Variants in XPR1 observed in about 807,000 individuals in gnomAD.
XPR1 encodes the protein xenotropic and polytropic retrovirus receptor 1, also known as solute carrier family 53 member 1.
XPR1 carries 28 observed loss-of-function variants against 87.5 expected under a neutral mutation model. The ratio of observed to expected loss-of-function variants is 0.32; its 90% CI spans 0.24 to 0.44. The LOEUF (loss-of-function observed/expected upper bound fraction) is 0.44. Among genes scored for constraint, XPR1 ranks in the 20% least tolerant of loss-of-function variants. The probability of loss-of-function intolerance (pLI) is 1.00; values close to 1 mark genes in which losing one functional copy is unlikely to be tolerated. For missense variants in XPR1, 559 were observed against 862.3 expected, an observed-to-expected ratio of 0.65 and a Z score of 4.41; for synonymous variants, 300 against 306.1, an observed-to-expected ratio of 0.98 and a Z score of 0.21.
At chr1:180,817,521 G>T (rs1650454297) in intron 7 of XPR1, among the ~76,000 whole-genome samples, 5 of 152,146 alleles carry the variant, frequency 3.3e-5, no homozygotes, top group African/African-American at 1.2e-4. Flanking sequence ...TATGTTTAGA[G>T]ATGTTTAGAG....
intron 2 of XPR1, among the ~76,000 whole-genome samples, chr1:180,717,955 T>C (rs1658054159): frequency 1.3e-5 from 2 of 152,312 alleles, no homozygotes; most frequent in East Asian, 1.9e-4. Context: ...TAGAATTGAA[T>C]AGATATGAAG....
intron 11 of XPR1, among the ~76,000 whole-genome samples, chr1:180,852,038 T>C (rs1011648491): frequency 3.3e-5 from 5 of 151,618 alleles, no homozygotes; most frequent in African/African-American, 4.9e-5. Flanking sequence ...ATCTTGCCTT[T>C]AAAACCTCCT....
chr1:180,824,983 G>C (rs372161958), intron 8 of XPR1, 40 bp downstream of exon 8: 4 of 1,591,828 alleles, frequency 2.5e-6, no homozygotes, highest in African/African-American at 2.7e-5. Flanking sequence ...AATATAGTTT[G>C]CATTAGCTAT....
chr1:180,846,194 G>A (rs1057007575), intron 11 of XPR1, among the ~76,000 whole-genome samples: 5 of 151,298 alleles, frequency 3.3e-5, no homozygotes, highest in East Asian at 3.9e-4. Context: ...CCCAGGAGGC[G>A]GAGGTTGCAG....
intron 2 of XPR1, among the ~76,000 whole-genome samples, chr1:180,687,280 T>C (rs1328358350): frequency 6.6e-6 from 1 of 152,172 alleles, no homozygotes; most frequent in Non-Finnish European, 1.5e-5. Flanking sequence ...TTTTAAATTT[T>C]CTTTCAGCTA....
chr1:180,736,635 A>G (rs984729488), intron 2 of XPR1, among the ~76,000 whole-genome samples: 1 of 152,244 alleles, frequency 6.6e-6, no homozygotes, highest in Non-Finnish European at 1.5e-5. Context: ...AATGATTTAC[A>G]TACAGTATTT....
intron 7 of XPR1, among the ~76,000 whole-genome samples, chr1:180,819,710 C>T (rs1650543609): frequency 6.6e-6 from 1 of 152,174 alleles, no homozygotes; most frequent in Admixed American, 6.5e-5. Flanking sequence ...ACCACCACTA[C>T]TAAAACAGTT....
Position 180,773,424 on chromosome 1 carries a change from C to T in XPR1, c.122-14329C>T, listed in dbSNP as rs551941315. On this transcript the variant is annotated intron_variant, in intron 2 of 14. Transcript: ENST00000367590. ...TTGTAAGACTTTATAAACTATGTTGCAGGGTATGAACAGTATCCTAAGAAC... is the reference window on the plus strand; with the variant it reads ...TTGTAAGACTTTATAAACTATGTTGTAGGGTATGAACAGTATCCTAAGAAC... Among the ~76,000 whole-genome samples the T allele has an allele frequency of 1.7e-3, 256 of 152,284 alleles. 1 individual carries two copies. Among genetic ancestry groups the T allele is most frequent in the African/African-American group, 6.0e-3 (250 of 41,560 alleles).
rs1312048482 is a variant in XPR1, at chr1:180,818,162, G to T, written c.764-6591G>T. Among the ~76,000 whole-genome samples the T allele has an allele frequency of 2.0e-5, 3 of 152,312 alleles. No homozygotes were observed. The East Asian group carries it at 5.8e-4, about 29-fold the overall frequency. On this transcript the variant is annotated intron_variant, in intron 7 of 14. Transcript: ENST00000367590. ...CATGGTTTTCTTCAGAAGATCTGGA[G>T]TGAGACGAGGCTTCTCATATTCTTT...
intron 2 of XPR1, among the ~76,000 whole-genome samples, chr1:180,696,206 G>GTATATATATA (rs1330154532): frequency 2.7e-4 from 28 of 102,086 alleles, no homozygotes; most frequent in African/African-American, 6.8e-4. Flanking sequence ...GTGTGTGTGT[G>GTATATATATA]TGTATATATA....
At chr1:180,694,540 A>G (rs916741325) in intron 2 of XPR1, among the ~76,000 whole-genome samples, 1 of 152,126 alleles carries the variant, frequency 6.6e-6, no homozygotes, top group Non-Finnish European at 1.5e-5. Context: ...TATACCTCAA[A>G]TTTATCTTTA....
At chr1:180,831,875 A>G (rs1390410523) in intron 9 of XPR1, among the ~76,000 whole-genome samples, 1 of 152,094 alleles carries the variant, frequency 6.6e-6, no homozygotes, top group Non-Finnish European at 1.5e-5. Context: ...ATGTGTCTTT[A>G]TAGTAGCATG....
chr1:180,658,045 G>C (rs1200462997), intron 1 of XPR1, among the ~76,000 whole-genome samples: 1 of 152,036 alleles, frequency 6.6e-6, no homozygotes, highest in Non-Finnish European at 1.5e-5. Flanking sequence ...TTTATTTGTA[G>C]CTATTGTAAA....
intron 11 of XPR1, among the ~76,000 whole-genome samples, chr1:180,841,356 A>G (rs2102177262): frequency 6.6e-6 from 1 of 150,414 alleles, no homozygotes; most frequent in African/African-American, 2.4e-5. Context: ...TCTCAGTTCT[A>G]TTCTTCAGCC....
At position 180,885,251 on chromosome 1, in the gene XPR1, G is replaced by A. The variant is rs1377272431; in HGVS notation, c.*1185G>A. 2 of 152,560 alleles carry A rather than the reference G, an allele frequency of 1.3e-5. No homozygotes were observed. The highest frequency in any genetic ancestry group is 6.5e-5 in the Admixed American group (1 of 15,270). 9.5% of individuals were successfully genotyped at this position (152,560 alleles called of 1,614,324 possible). ...GGGAAACTATATTTTTGAGCACATG[G>A]AACAAATTATACTTCCTCATTCATA... On this transcript the variant is annotated 3_prime_UTR_variant, in exon 15 of 15. Transcript: ENST00000367590.
At chr1:180,877,558 G>A (rs1333123110) in intron 13 of XPR1, among the ~76,000 whole-genome samples, 1 of 152,190 alleles carries the variant, frequency 6.6e-6, no homozygotes, top group East Asian at 1.9e-4. Flanking sequence ...AGTATGAAGA[G>A]TAAATCAATG....
chr1:180,758,286 A>C (rs1401957282), intron 2 of XPR1, among the ~76,000 whole-genome samples: 1 of 152,168 alleles, frequency 6.6e-6, no homozygotes. Context: ...TGTGGGAGCT[A>C]AAAAAATAGA....
intron 2 of XPR1, among the ~76,000 whole-genome samples, chr1:180,702,837 T>G (rs975996629): frequency 5.3e-5 from 8 of 152,212 alleles, no homozygotes; most frequent in Middle Eastern, 3.4e-3. Flanking sequence ...TTTGGAGATA[T>G]CATATTTTCT....
rs372023037 is a variant in XPR1, at chr1:180,803,395, C to T, written c.231C>T (p.Leu77=). ...AKINTFYSEK[L]AEAQRRFATL... is the part of the protein sequence containing the mutation. ...CCGTTCTATTTCTTATAGAGAAGCT[C>T]GCAGAGGCTCAGCGCAGGTTTGCTA... The change falls in exon 4 of 15, where the codon CTC becomes CTT. Residue 77 remains leucine (L), a synonymous_variant. Transcript: ENST00000367590. The T allele has an allele frequency of 1.1e-4, 178 of 1,613,542 alleles. No individual in the cohort carries two copies. The highest frequency in any genetic ancestry group is 7.9e-5 in the Non-Finnish European group (93 of 1,179,880).
Sources: allele counts gnomAD v4.1 joint callset (sites outside exome capture counted in the v4.1 genomes callset), GRCh38; gene constraint gnomAD v4.1.1; transcripts MANE v1.5; gene names NCBI Gene and HGNC (gene_info 2026-07-23, HGNC 2026-07-21).